RYR2: variants seen among roughly 807,000 people sequenced by gnomAD.
RYR2 encodes the protein cardiac muscle ryanodine receptor-calcium release channel.
In RYR2, 227 loss-of-function variants were observed where a neutral mutation model predicts 601.1. The observed-to-expected ratio is 0.38, with a 90% CI of 0.34 to 0.42. The LOEUF is 0.42. RYR2 is among the 10% of genes least tolerant of loss of function. The probability of loss-of-function intolerance (pLI) is 1.00; values close to 1 mark genes in which losing one functional copy is unlikely to be tolerated. For missense variants in RYR2, 4,646 were observed against 6,156.5 expected, an observed-to-expected ratio of 0.75 and a Z score of 8.21; for synonymous variants, 2,223 against 2,175.1, an observed-to-expected ratio of 1.02 and a Z score of -0.61.
chr1:237,268,665 C>T (rs1007025656), intron 1 of RYR2, among the ~76,000 whole-genome samples: 5 of 151,864 alleles, frequency 3.3e-5, no homozygotes, highest in South Asian at 2.1e-4. Flanking sequence ...CAGCCGGGTG[C>T]GGTGGCTCAC....
chr1:237,068,734 C>A (rs1663950053), intron 1 of RYR2, among the ~76,000 whole-genome samples: 1 of 152,104 alleles, frequency 6.6e-6, no homozygotes, highest in Non-Finnish European at 1.5e-5. Flanking sequence ...TCTTCTTCAC[C>A]ATCATTTATT....
In RYR2 at chr1:237,101,299, TAAAAAAAAAAAA is replaced by T. The variant is rs374151748; in HGVS notation, c.48+58744_48+58755del. On this transcript the variant is annotated intron_variant, in intron 1 of 104. Transcript: ENST00000366574. ...ATTTCAGTCACTACTTTTTAGAAGT[TAAAAAAAAAAAA>T]AAAAAAAAAAAAACCTCACAAACAA... is the stretch of plus-strand genomic sequence containing the variant. Among the ~76,000 whole-genome samples, 13 of 94,168 alleles carry T rather than the reference TAAAAAAAAAAAA, an allele frequency of 1.4e-4. No individual in the cohort carries two copies. The East Asian group carries it at 4.4e-3, about 32-fold the overall frequency. 61.8% of individuals were successfully genotyped at this position (94,168 alleles called of 152,430 possible).
chr1:237,380,388 A>AG (rs1306229609), intron 8 of RYR2, among the ~76,000 whole-genome samples: 1 of 28,552 alleles, frequency 3.5e-5, no homozygotes, highest in Non-Finnish European at 7.1e-5. Context: ...ATATATATAT[A>AG]TATATATATA....
intron 1 of RYR2, among the ~76,000 whole-genome samples, chr1:237,198,917 T>C (rs544349561): frequency 1.3e-5 from 2 of 152,152 alleles, no homozygotes; most frequent in African/African-American, 4.8e-5. Context: ...CTTGAAAAAT[T>C]ATAGGCTAAC....
intron 1 of RYR2, among the ~76,000 whole-genome samples, chr1:237,121,602 G>A (rs1166112409): frequency 6.6e-6 from 1 of 152,192 alleles, no homozygotes; most frequent in African/African-American, 2.4e-5. Flanking sequence ...TAGCCATTGA[G>A]GAGCTGTAGA....
chr1:237,797,970 A>G (rs1659457299), intron 96 of RYR2, 67 bp from the exon 97 acceptor site: 7 of 1,368,188 alleles, frequency 5.1e-6, no homozygotes, highest in Non-Finnish European at 7.0e-6. Context: ...TAGATGTTTT[A>G]TACACACATA....
At chr1:237,123,946 G>T (rs900197196) in intron 1 of RYR2, among the ~76,000 whole-genome samples, 1 of 152,150 alleles carries the variant, frequency 6.6e-6, no homozygotes, top group Admixed American at 6.5e-5. Context: ...TATTTTTAAA[G>T]CAATGCTCTG....
chr1:237,210,097 C>T (rs918220961), intron 1 of RYR2, among the ~76,000 whole-genome samples: 1 of 148,362 alleles, frequency 6.7e-6, no homozygotes, highest in African/African-American at 2.5e-5. Context: ...ATTCATTTTT[C>T]TGTGTATCTG....
intron 1 of RYR2, among the ~76,000 whole-genome samples, chr1:237,148,326 G>A (rs1474586235): frequency 1.3e-5 from 2 of 151,824 alleles, no homozygotes; most frequent in Non-Finnish European, 2.9e-5. Context: ...GACACAGTGA[G>A]GGGAACATCA....
At position 237,733,772 on chromosome 1, in the gene RYR2, T is replaced by C. The variant is rs769904090; in HGVS notation, c.11091+16T>C. 6.5e-7 allele frequency: 1 copy of C among 1,529,700 alleles called. No individual in the cohort carries two copies. The highest frequency in any genetic ancestry group is 9.0e-7 in the Non-Finnish European group (1 of 1,104,990). The allele number at this position is 1,529,700 out of a possible 1,614,324, so 94.8% of individuals were successfully genotyped here. A position where few individuals can be genotyped will look rare whatever the true frequency, so the allele number is the denominator to read the frequency against. ...TATGGCAAAGGTAAATAAGTATCCT[T>C]CCTGATTTTCATGTTTAATTTTAAT... On this transcript the variant is annotated intron_variant, in intron 79 of 104. Coordinates refer to ENST00000366574, the MANE Select transcript of RYR2 (RefSeq NM_001035.3).
At chr1:237,059,978 A>G (rs958091078) in intron 1 of RYR2, among the ~76,000 whole-genome samples, 1 of 152,196 alleles carries the variant, frequency 6.6e-6, no homozygotes, top group South Asian at 2.1e-4. Flanking sequence ...TGGTTTCCAC[A>G]TAGTTATTAA....
chr1:237,370,910 T>C (rs1265680342), intron 6 of RYR2, among the ~76,000 whole-genome samples: 2 of 152,200 alleles, frequency 1.3e-5, no homozygotes, highest in Non-Finnish European at 2.9e-5. Context: ...TCCGCCTGCC[T>C]CGGCCTTCCG....
At chr1:237,081,279 A>AG (rs1665596179) in intron 1 of RYR2, among the ~76,000 whole-genome samples, 1 of 106,062 alleles carries the variant, frequency 9.4e-6, no homozygotes, top group African/African-American at 3.9e-5. Context: ...TTAGAGTATA[A>AG]TAAAAAAAAA....
intron 2 of RYR2, among the ~76,000 whole-genome samples, chr1:237,297,325 C>T (rs1159807673): frequency 6.6e-6 from 1 of 152,124 alleles, no homozygotes; most frequent in Admixed American, 6.5e-5. Flanking sequence ...TCTTTATGCT[C>T]CACTATAACA....
Position 237,610,696 on chromosome 1 carries a change from G to T in RYR2, c.4684-66G>T. On this transcript the variant is annotated intron_variant, in intron 35 of 104. Transcript: ENST00000366574. The surrounding 1 kb of genome is among the most constrained non-coding windows in gnomAD (Gnocchi z 4.9). Reference sequence around the variant, plus strand: ...TGTCTCTGTCCTGTGCAGAATTCTAGTCATTACTTTGTGAACCCCAAGGGA... The same window carrying T: ...TGTCTCTGTCCTGTGCAGAATTCTATTCATTACTTTGTGAACCCCAAGGGA... 8.4e-6 allele frequency: 11 copies of T among 1,302,370 alleles called. No individual in the cohort carries two copies. In the South Asian group the frequency reaches 1.5e-4, roughly 18 times the overall value. 80.7% of individuals were successfully genotyped at this position (1,302,370 alleles called of 1,614,324 possible). A position where few individuals can be genotyped will look rare whatever the true frequency, so the allele number is the denominator to read the frequency against.
intron 79 of RYR2, 127 bp from the exon 80 acceptor site, chr1:237,742,169 A>T (rs958381074): frequency 3.8e-5 from 25 of 664,206 alleles, no homozygotes; most frequent in Non-Finnish European, 5.2e-5. Context: ...TCTATCTTAC[A>T]TGTGTTTAAA....
intron 38 of RYR2, among the ~76,000 whole-genome samples, 184 bp from the exon 39 acceptor site, chr1:237,623,581 A>G (rs1242955601): frequency 1.3e-5 from 2 of 151,200 alleles, no homozygotes; most frequent in Non-Finnish European, 2.9e-5. Flanking sequence ...TTTAGTAGAG[A>G]TGGGTTTTCA....
At chr1:237,069,207 C>A (rs1664010644) in intron 1 of RYR2, among the ~76,000 whole-genome samples, 2 of 152,048 alleles carry the variant, frequency 1.3e-5, no homozygotes, top group African/African-American at 4.8e-5. Context: ...ATGTTGTTTA[C>A]TGATAAACTG....
chr1:237,793,118 G>C (rs73103922), intron 94 of RYR2, among the ~76,000 whole-genome samples: 408 of 152,196 alleles, frequency 2.7e-3, no homozygotes, highest in African/African-American at 9.4e-3. Context: ...CACTTTCACT[G>C]TCCTCTGCCT....
Sources: gnomAD v4.1 joint callset for allele counts (sites outside exome capture counted in the v4.1 genomes callset) on GRCh38, gnomAD v4.1.1 for gene constraint, Gnocchi (gnomAD v3.1) non-coding constraint, MANE v1.5 for transcripts, NCBI Gene and HGNC (gene_info 2026-07-23, HGNC 2026-07-21) for gene names.